TSTD2: variants seen among roughly 807,000 people sequenced by gnomAD.
TSTD2 encodes the protein thiosulfate sulfurtransferase like domain containing 2.
Under a neutral mutation model 47.9 loss-of-function variants are expected in TSTD2, and 37 were observed. The ratio of observed to expected loss-of-function variants is 0.77; its 90% CI spans 0.59 to 1.02. The LOEUF is 1.02. Among genes scored for constraint, TSTD2 ranks in the 50% least tolerant of loss-of-function variants. The probability of loss-of-function intolerance (pLI) is 0.00; values close to 1 mark genes in which losing one functional copy is unlikely to be tolerated. For synonymous variants in TSTD2, 201 were observed against 215.9 expected (o/e 0.93, Z 0.61); for missense variants, 586 against 616.0 (o/e 0.95, Z 0.52).
Position 97,625,980 on chromosome 9 carries a change from G to A in TSTD2, c.183C>T (p.Val61=), listed in dbSNP as rs754770366. The change falls in exon 3 of 10, where the codon GTC becomes GTT. Residue 61 remains valine (V), a synonymous_variant. Transcript: ENST00000341170. ...FAKKKAFALF[V]KTKEVPTKRS... ...TTTTTGTTGGAACTTCTTTGGTTTT[G>A]ACAAAAAGGGCAAAGGCCTGCAATT... 1 of 1,609,564 alleles carries A rather than the reference G, an allele frequency of 6.2e-7. No homozygotes were observed. The highest frequency in any genetic ancestry group is 8.5e-7 in the Non-Finnish European group (1 of 1,178,672).
At chr9:97,603,532 A>G (rs138889258) in intron 9 of TSTD2, among the ~76,000 whole-genome samples, 2 of 152,326 alleles carry the variant, frequency 1.3e-5, no homozygotes, top group Non-Finnish European at 2.9e-5. Context: ...AATAAGAGAC[A>G]ACTCAAAACC....
rs1204315134 is a variant in TSTD2 at position 97,601,136 on chromosome 9, G to A, written c.*1333C>T. 1 of 1,304,128 alleles carries A rather than the reference G, an allele frequency of 7.7e-7. No homozygotes were observed. Among genetic ancestry groups the A allele is most frequent in the African/African-American group, 1.5e-5 (1 of 66,006 alleles). The allele number at this position is 1,304,128 out of a possible 1,614,324, so 80.8% of individuals were successfully genotyped here. A position where few individuals can be genotyped will look rare whatever the true frequency, so the allele number is the denominator to read the frequency against. ...TCCACTGAGGCTGCACATGGCCCAG[G>A]AGTGGCACCATGTTGCAGGGACAAC... On this transcript the variant is annotated 3_prime_UTR_variant, in exon 10 of 10. Transcript: ENST00000341170.
chr9:97,602,389 G>A lies in TSTD2; in HGVS notation c.*80C>T. On this transcript the variant is annotated 3_prime_UTR_variant, in exon 10 of 10. Transcript: ENST00000341170. ...TGAAGTTCCCGATTTCTCTGTTTCT[G>A]CAGTCTTGCCATGCTTTCTCTGTAT... The A allele has an allele frequency of 6.9e-7, 1 of 1,446,506 alleles. No homozygotes were observed. Among genetic ancestry groups the A allele is most frequent in the South Asian group, 1.5e-5 (1 of 68,866 alleles). 89.6% of individuals were successfully genotyped at this position (1,446,506 alleles called of 1,614,324 possible).
At chr9:97,625,244 C>T (rs1404368351) in intron 3 of TSTD2, among the ~76,000 whole-genome samples, 4 of 152,200 alleles carry the variant, frequency 2.6e-5, no homozygotes, top group African/African-American at 2.4e-5. Context: ...CACCCATATA[C>T]GTTCTTGAAT....
intron 2 of TSTD2, 117 bp from the exon 3 acceptor site, chr9:97,626,114 A>G (rs1366539184): frequency 1.0e-6 from 1 of 962,668 alleles, no homozygotes; most frequent in African/African-American, 1.7e-5. Context: ...TTTATGTTCC[A>G]TTATGTTATA....
chr9:97,614,863 G>C (rs547057235), intron 4 of TSTD2, among the ~76,000 whole-genome samples: 2 of 152,346 alleles, frequency 1.3e-5, no homozygotes, highest in East Asian at 3.9e-4. Context: ...AGTGAAGCCA[G>C]TTCTGGGCAT....
At chr9:97,632,014 C>T (rs1221040373) in intron 1 of TSTD2, among the ~76,000 whole-genome samples, 20 of 152,210 alleles carry the variant, frequency 1.3e-4, no homozygotes, top group Non-Finnish European at 2.5e-4. Flanking sequence ...TAGAATATAT[C>T]AGCGCCAAGA....
chr9:97,625,553 C>T lies in TSTD2; in HGVS notation c.482+128G>A, dbSNP rs186280090. The T allele has an allele frequency of 8.0e-5, 71 of 889,198 alleles. No individual in the cohort carries two copies. The African/African-American group carries it at 1.1e-3, about 14-fold the overall frequency. The allele number at this position is 889,198 out of a possible 1,614,324, so 55.1% of individuals were successfully genotyped here. A position where few individuals can be genotyped will look rare whatever the true frequency, so the allele number is the denominator to read the frequency against. On this transcript the variant is annotated intron_variant, in intron 3 of 9. Transcript: ENST00000341170. Reference sequence around the variant, plus strand: ...GTGACTGGGTGTTCCAGTTGTTCCACATCCTCATTTCACATTTGACACAGT... The same window carrying T: ...GTGACTGGGTGTTCCAGTTGTTCCATATCCTCATTTCACATTTGACACAGT...
intron 4 of TSTD2, among the ~76,000 whole-genome samples, chr9:97,616,182 G>A (rs932894287): frequency 6.6e-6 from 1 of 152,102 alleles, no homozygotes; most frequent in Non-Finnish European, 1.5e-5. Flanking sequence ...TTGTAAGAAG[G>A]CCCAAGGAGA....
At chr9:97,627,140 T>TTTCAA (rs1826735222) in intron 2 of TSTD2, among the ~76,000 whole-genome samples, 1 of 152,174 alleles carries the variant, frequency 6.6e-6, no homozygotes, top group Admixed American at 6.5e-5. Context: ...TTGTTTATGG[T>TTTCAA]CTTTTTTGAC....
chr9:97,600,451 A>ACTT lies in TSTD2; in HGVS notation c.*2015_*2017dup. ...TGTACAATTTAATACTGGAGTTAGA[A>ACTT]CTTTTTCCTTATTGAATGCCAACCT... On this transcript the variant is annotated 3_prime_UTR_variant, in exon 10 of 10. Coordinates refer to ENST00000341170, the MANE Select transcript of TSTD2 (RefSeq NM_139246.5). The ACTT allele has an allele frequency of 1.0e-6, 1 of 985,636 alleles. No homozygotes were observed. Among genetic ancestry groups the ACTT allele is most frequent in the Non-Finnish European group, 1.2e-6 (1 of 830,080 alleles). The allele number at this position is 985,636 out of a possible 1,614,324, so 61.1% of individuals were successfully genotyped here.
intron 1 of TSTD2, among the ~76,000 whole-genome samples, chr9:97,628,453 T>C (rs1826757335): frequency 6.6e-6 from 1 of 152,196 alleles, no homozygotes; most frequent in Non-Finnish European, 1.5e-5. Flanking sequence ...TTGTGCATTG[T>C]AGTATCTACA....
intron 4 of TSTD2, among the ~76,000 whole-genome samples, chr9:97,617,519 T>C (rs537540148): frequency 6.6e-6 from 1 of 152,372 alleles, no homozygotes; most frequent in African/African-American, 2.4e-5. Flanking sequence ...CACCTAAAAT[T>C]ATCTACTATC....
chr9:97,609,479 CACTT>C (rs1826421924), intron 6 of TSTD2, among the ~76,000 whole-genome samples: 1 of 152,080 alleles, frequency 6.6e-6, no homozygotes, highest in Non-Finnish European at 1.5e-5. Context: ...GGTTGAAAGA[CACTT>C]AAAGAGACAT....
At chr9:97,610,723 A>C (rs946768819) in intron 5 of TSTD2, 1 of 237,804 alleles carries the variant, frequency 4.2e-6, no homozygotes, top group African/African-American at 2.3e-5. Context: ...CAATTCTAAC[A>C]TGTGACTATA....
At chr9:97,624,004 G>C (rs978666306) in intron 3 of TSTD2, among the ~76,000 whole-genome samples, 3 of 152,166 alleles carry the variant, frequency 2.0e-5, no homozygotes, top group Admixed American at 2.0e-4. Flanking sequence ...TCTAGCTGTT[G>C]CAAGTAGTTA....
intron 3 of TSTD2, among the ~76,000 whole-genome samples, chr9:97,621,592 G>A (rs750163287): frequency 1.2e-4 from 18 of 152,130 alleles, no homozygotes; most frequent in Non-Finnish European, 2.1e-4. Context: ...TCCTATGGAC[G>A]GACACTCTGG....
chr9:97,605,512 C>T lies in TSTD2; in HGVS notation c.1084G>A (p.Glu362Lys), dbSNP rs1467603440. 6.2e-7 allele frequency: 1 copy of T among 1,613,992 alleles called. No individual in the cohort carries two copies. The highest frequency in any genetic ancestry group is 1.7e-5 in the Admixed American group (1 of 60,024). Residue 362 changes from glutamate to lysine, a missense_variant, in exon 8 of 10, where the codon GAG becomes AAG. Physicochemically the swap from Glu to Lys is moderately conservative, Grantham distance 56. Coordinates refer to ENST00000341170, the MANE Select transcript of TSTD2 (RefSeq NM_139246.5). Reference sequence around the variant, plus strand: ...GCTTTGAGGTAGGCTGAACCCCGCTCACAGCGGATGCCCCCGGTACAGTAC... The same window carrying T: ...GCTTTGAGGTAGGCTGAACCCCGCTTACAGCGGATGCCCCCGGTACAGTAC... ...LMYCTGGIRC[E>K]RGSAYLKAKG...
chr9:97,629,602 A>G (rs1826776946), intron 1 of TSTD2, among the ~76,000 whole-genome samples: 1 of 152,244 alleles, frequency 6.6e-6, no homozygotes, highest in Non-Finnish European at 1.5e-5. Flanking sequence ...TCTTTCATAT[A>G]AAGTCCCACT....
Sources: allele counts gnomAD v4.1 joint callset (sites outside exome capture counted in the v4.1 genomes callset), GRCh38; gene constraint gnomAD v4.1.1; transcripts MANE v1.5; gene names NCBI Gene and HGNC (gene_info 2026-07-23, HGNC 2026-07-21).